Variants in PRKG1 observed in about 807,000 individuals in gnomAD.
The protein encoded by PRKG1 is cGMP-dependent protein kinase 1.
PRKG1 carries 35 observed loss-of-function variants against 88.1 expected under a neutral mutation model. That is an observed-to-expected ratio of 0.40 (90% CI 0.30 to 0.53). The LOEUF is 0.53. PRKG1 is among the 20% of genes least tolerant of loss of function. PRKG1 has a pLI of 0.59. For missense variants in PRKG1, 540 were observed against 839.8 expected (o/e 0.64, Z 4.41); for synonymous variants, 303 against 292.5 (o/e 1.04, Z -0.37).
intron 3 of PRKG1, among the ~76,000 whole-genome samples, chr10:51,713,960 T>C (rs1841822632): frequency 1.3e-5 from 2 of 152,122 alleles, no homozygotes; most frequent in African/African-American, 4.8e-5. Flanking sequence ...CTGTTGTTTT[T>C]ATTTATTTTT....
At chr10:51,482,146 G>A (rs1840382003) in intron 3 of PRKG1, among the ~76,000 whole-genome samples, 1 of 152,058 alleles carries the variant, frequency 6.6e-6, no homozygotes, top group Admixed American at 6.6e-5. Context: ...AGTTCTTCCA[G>A]TACAAACTAC....
chr10:51,877,809 T>G (rs1407172685), intron 4 of PRKG1, among the ~76,000 whole-genome samples: 1 of 152,224 alleles, frequency 6.6e-6, no homozygotes, highest in Non-Finnish European at 1.5e-5. Context: ...TAATTTGAAG[T>G]ATATTCTCTT....
chr10:51,334,182 CT>C (rs1564450675), intron 2 of PRKG1, among the ~76,000 whole-genome samples: 11,389 of 150,476 alleles, frequency 0.076, 433 homozygotes, highest in South Asian at 0.11. Context: ...CTCTCTCTCT[CT>C]CTCTCTCTCA....
At chr10:51,582,217 T>C (rs561282563) in intron 3 of PRKG1, among the ~76,000 whole-genome samples, 2 of 152,334 alleles carry the variant, frequency 1.3e-5, no homozygotes, top group Admixed American at 1.3e-4. Flanking sequence ...TAATATTCTC[T>C]TCTCTGAGAA....
At chr10:51,819,513 G>A (rs533621346) in intron 4 of PRKG1, among the ~76,000 whole-genome samples, 1 of 152,250 alleles carries the variant, frequency 6.6e-6, no homozygotes, top group African/African-American at 2.4e-5. Flanking sequence ...CCAAGAACCT[G>A]TCTATATGTC....
intron 3 of PRKG1, among the ~76,000 whole-genome samples, chr10:51,623,854 T>A (rs1331626114): frequency 6.6e-6 from 1 of 152,150 alleles, no homozygotes; most frequent in Admixed American, 6.5e-5. Context: ...GACGTTGGGT[T>A]CTAATGTTTT....
chr10:51,735,887 T>TATATATATA (rs1564626598), intron 3 of PRKG1, among the ~76,000 whole-genome samples: 5 of 125,970 alleles, frequency 4.0e-5, no homozygotes, highest in African/African-American at 1.8e-4. Flanking sequence ...ATATGTATAT[T>TATATATATA]TATTTATTTA....
At chr10:51,354,913 G>A (rs1055864923) in intron 2 of PRKG1, among the ~76,000 whole-genome samples, 1 of 152,090 alleles carries the variant, frequency 6.6e-6, no homozygotes, top group African/African-American at 2.4e-5. Flanking sequence ...GATGCTGACA[G>A]TTATAGGGAG....
At chr10:51,279,678 T>C (rs1433662400) in intron 2 of PRKG1, among the ~76,000 whole-genome samples, 1 of 152,240 alleles carries the variant, frequency 6.6e-6, no homozygotes, top group African/African-American at 2.4e-5. Flanking sequence ...CAGTCTGTTT[T>C]ATCAGAGACT....
At chr10:51,902,294 T>G (rs1344587220) in intron 4 of PRKG1, among the ~76,000 whole-genome samples, 2 of 152,008 alleles carry the variant, frequency 1.3e-5, no homozygotes, top group African/African-American at 2.4e-5. Flanking sequence ...TTTTGTATTT[T>G]TAGTAGAAAC....
At chr10:51,252,457 C>T (rs765766145) in intron 2 of PRKG1, among the ~76,000 whole-genome samples, 1 of 151,650 alleles carries the variant, frequency 6.6e-6, no homozygotes, top group Non-Finnish European at 1.5e-5. Context: ...TTATCAAATT[C>T]TTCAGAAAAC....
intron 4 of PRKG1, among the ~76,000 whole-genome samples, chr10:51,820,477 T>A (rs1839713767): frequency 6.6e-6 from 1 of 152,180 alleles, no homozygotes; most frequent in African/African-American, 2.4e-5. Flanking sequence ...GTAGGACCTC[T>A]GTCCCCAAAA....
chr10:51,463,542 C>A (rs1410533327), intron 2 of PRKG1, among the ~76,000 whole-genome samples: 1 of 152,056 alleles, frequency 6.6e-6, no homozygotes, highest in East Asian at 1.9e-4. Flanking sequence ...AAAGGAATGG[C>A]CTCATGACTA....
chr10:51,991,185 A>G (rs1017767880), intron 5 of PRKG1, among the ~76,000 whole-genome samples: 9 of 152,018 alleles, frequency 5.9e-5, no homozygotes, highest in Admixed American at 6.6e-5. Context: ...TTGATTTTAT[A>G]TCCTGCAACT....
rs758947162 is a variant in PRKG1 at position 51,778,042 on chromosome 10, G to A, written c.593-26543G>A. 3.9e-5 allele frequency among the ~76,000 whole-genome samples: 6 copies of A among 152,086 alleles called. No homozygotes were observed. The East Asian group carries it at 5.8e-4, about 15-fold the overall frequency. ...GACATTTTGATTGCTTCTGATGACT[G>A]TTCTATCTTAATTCTGATTACTTGT... is the stretch of plus-strand genomic sequence containing the variant. On this transcript the variant is annotated intron_variant, in intron 3 of 17. Coordinates refer to ENST00000373980, the MANE Select transcript of PRKG1 (RefSeq NM_006258.4).
intron 9 of PRKG1, among the ~76,000 whole-genome samples, chr10:52,209,675 C>T (rs1055653784): frequency 1.8e-4 from 27 of 152,108 alleles, no homozygotes; most frequent in African/African-American, 6.5e-4. Context: ...TCTTGATTTT[C>T]CTCAAACCTG....
At chr10:51,664,605 A>G (rs574628440) in intron 3 of PRKG1, among the ~76,000 whole-genome samples, 209 of 152,228 alleles carry the variant, frequency 1.4e-3, no homozygotes, top group South Asian at 3.7e-3. Flanking sequence ...TTGTATAATC[A>G]TTACCATCTT....
chr10:51,750,124 CAG>C (rs571721846), intron 3 of PRKG1, among the ~76,000 whole-genome samples: 5 of 151,874 alleles, frequency 3.3e-5, no homozygotes, highest in Non-Finnish European at 7.4e-5. Context: ...TTAGTAGAGA[CAG>C]GGTTTCATCA....
intron 3 of PRKG1, among the ~76,000 whole-genome samples, chr10:51,538,803 AAC>A (rs1482313007): frequency 6.6e-6 from 1 of 152,148 alleles, no homozygotes; most frequent in African/African-American, 2.4e-5. Flanking sequence ...CCAAATTAAA[AAC>A]ACAGTTCAGT....
Sources: gnomAD v4.1 joint callset for allele counts (sites outside exome capture counted in the v4.1 genomes callset) on GRCh38, gnomAD v4.1.1 for gene constraint, MANE v1.5 for transcripts, NCBI Gene and HGNC (gene_info 2026-07-23, HGNC 2026-07-21) for gene names.